DGKH: variants seen among roughly 807,000 people sequenced by gnomAD.
The protein encoded by DGKH is diacylglycerol kinase eta, also known as DAG kinase eta.
DGKH carries 90 observed loss-of-function variants against 159.3 expected under a neutral mutation model. That is an observed-to-expected ratio of 0.57 (90% CI 0.48 to 0.67). The LOEUF is 0.67. Among genes scored for constraint, DGKH ranks in the 30% least tolerant of loss-of-function variants. DGKH has a pLI of 0.00. For missense variants in DGKH, 1,181 were observed against 1,506.1 expected, an observed-to-expected ratio of 0.78 and a Z score of 3.57; for synonymous variants, 536 against 553.8, an observed-to-expected ratio of 0.97 and a Z score of 0.45.
Position 42,177,247 on chromosome 13 carries a change from G to T in DGKH, c.1453-888G>T, listed in dbSNP as rs560242604. Among the ~76,000 whole-genome samples, 21 of 140,890 alleles carry T rather than the reference G, an allele frequency of 1.5e-4. 1 individual carries two copies. The highest frequency in any genetic ancestry group is 7.2e-3 in the Middle Eastern group (2 of 276). 92.4% of individuals were successfully genotyped at this position (140,890 alleles called of 152,430 possible). A position where few individuals can be genotyped will look rare whatever the true frequency, so the allele number is the denominator to read the frequency against. On this transcript the variant is annotated intron_variant, in intron 12 of 29. Coordinates refer to ENST00000337343, the MANE Select transcript of DGKH (RefSeq NM_178009.5). ...GTGCTGACTTCTAATAGCATAGATT[G>T]GTATCTGTTTTGTACTTATAAAATA...
At chr13:42,083,081 G>T (rs1195787283) in intron 1 of DGKH, among the ~76,000 whole-genome samples, 1 of 152,174 alleles carries the variant, frequency 6.6e-6, no homozygotes, top group African/African-American at 2.4e-5. Context: ...TAACTGACTT[G>T]AAAGTATGTC....
intron 29 of DGKH, among the ~76,000 whole-genome samples, chr13:42,223,229 T>A (rs986418227): frequency 6.6e-6 from 1 of 152,154 alleles, no homozygotes; most frequent in Non-Finnish European, 1.5e-5. Flanking sequence ...CGGCAAGTCC[T>A]TCAGACCGAT....
At chr13:42,090,560 G>T (rs916564238) in intron 1 of DGKH, among the ~76,000 whole-genome samples, 9 of 152,280 alleles carry the variant, frequency 5.9e-5, no homozygotes, top group African/African-American at 2.2e-4. Context: ...TAGACGAGTG[G>T]AATAGAATAG....
intron 3 of DGKH, among the ~76,000 whole-genome samples, chr13:42,133,064 G>A (rs1348842092): frequency 6.6e-6 from 1 of 151,738 alleles, no homozygotes; most frequent in Non-Finnish European, 1.5e-5. Flanking sequence ...CCAGCTACTT[G>A]GGTGGCTGAG....
chr13:42,248,639 A>G (rs979241540), intron 29 of DGKH, among the ~76,000 whole-genome samples: 1 of 147,902 alleles, frequency 6.8e-6, no homozygotes, highest in African/African-American at 2.5e-5. Flanking sequence ...TTTGTAATAT[A>G]TAATTATGAT....
chr13:42,064,783 G>A (rs1882440870), intron 1 of DGKH, among the ~76,000 whole-genome samples: 1 of 152,146 alleles, frequency 6.6e-6, no homozygotes, highest in Non-Finnish European at 1.5e-5. Context: ...GCTCATGTAT[G>A]CACAGCTGGG....
At chr13:42,093,198 C>A (rs1489366536) in intron 1 of DGKH, among the ~76,000 whole-genome samples, 1 of 150,072 alleles carries the variant, frequency 6.7e-6, no homozygotes, top group African/African-American at 2.5e-5. Context: ...GAACTGAGAT[C>A]ATGCTACTGC....
Position 42,238,568 on chromosome 13 carries a change from A to G in DGKH, c.*9380A>G. On this transcript the variant is annotated 3_prime_UTR_variant, in exon 30 of 30. Coordinates refer to ENST00000337343, the MANE Select transcript of DGKH (RefSeq NM_178009.5). ...TCTCTTTAAACCAGTAGTTAAAAAGATGGAGTATGTGATGTTCCTTTCTCT... is the reference window on the plus strand; with the variant it reads ...TCTCTTTAAACCAGTAGTTAAAAAGGTGGAGTATGTGATGTTCCTTTCTCT... 6.6e-6 allele frequency: 1 copy of G among 152,180 alleles called. No homozygotes were observed. The allele number at this position is 152,180 out of a possible 1,614,324, so 9.4% of individuals were successfully genotyped here. A position where few individuals can be genotyped will look rare whatever the true frequency, so the allele number is the denominator to read the frequency against.
At chr13:42,131,530 G>A (rs1414973482) in intron 3 of DGKH, among the ~76,000 whole-genome samples, 7 of 152,156 alleles carry the variant, frequency 4.6e-5, no homozygotes, top group Admixed American at 3.3e-4. Context: ...GAAGGATAAG[G>A]TTATTTGCTG....
At chr13:42,087,083 A>ACACACC (rs1301819914) in intron 1 of DGKH, among the ~76,000 whole-genome samples, 1 of 143,914 alleles carries the variant, frequency 6.9e-6, no homozygotes, top group Non-Finnish European at 1.5e-5. Context: ...ACACACACAC[A>ACACACC]CCTCAGAACA....
At position 42,069,275 on chromosome 13, in the gene DGKH, G is replaced by A. The variant is rs1882798316; in HGVS notation, c.192+20310G>A. 11 of 1,069,920 alleles carry A rather than the reference G, an allele frequency of 1.0e-5. No individual in the cohort carries two copies. In the South Asian group the frequency reaches 1.7e-4, roughly 17 times the overall value. The allele number at this position is 1,069,920 out of a possible 1,614,324, so 66.3% of individuals were successfully genotyped here. A position where few individuals can be genotyped will look rare whatever the true frequency, so the allele number is the denominator to read the frequency against. ...TTCTTACTTCACAAAACTGATTTAT[G>A]AGAAAACAGTTCTCCCCATCACTCA... On this transcript the variant is annotated intron_variant, in intron 1 of 29. Transcript: ENST00000337343.
intron 1 of DGKH, among the ~76,000 whole-genome samples, chr13:42,068,513 G>A (rs1215333595): frequency 1.3e-5 from 2 of 152,138 alleles, no homozygotes; most frequent in South Asian, 2.1e-4. Flanking sequence ...TGTGTTTTAC[G>A]AAATGTGTAC....
At chr13:42,129,019 G>A (rs1267355190) in intron 2 of DGKH, among the ~76,000 whole-genome samples, 1 of 152,208 alleles carries the variant, frequency 6.6e-6, no homozygotes, top group Non-Finnish European at 1.5e-5. Context: ...TACCTTGGAT[G>A]TTAAGAGTAT....
intron 1 of DGKH, among the ~76,000 whole-genome samples, chr13:42,081,105 A>T (rs1293140142): frequency 6.6e-6 from 1 of 152,142 alleles, no homozygotes; most frequent in South Asian, 2.1e-4. Context: ...AATATTAGAG[A>T]TACATTTTAT....
At chr13:42,216,070 A>C (rs1434232782) in intron 26 of DGKH, among the ~76,000 whole-genome samples, 2 of 152,248 alleles carry the variant, frequency 1.3e-5, no homozygotes, top group Non-Finnish European at 2.9e-5. Context: ...GTTTGCTTAA[A>C]AGAGGACATT....
In DGKH at chr13:42,209,625, G is replaced by A. The variant is rs78820566; in HGVS notation, c.2850+160G>A. ...GAACAAATATTTATTTATTTCAGTA[G>A]GAGTTTATTTTTTAGAGCCATTTTA... On this transcript the variant is annotated intron_variant, in intron 23 of 29. Coordinates refer to ENST00000337343, the MANE Select transcript of DGKH (RefSeq NM_178009.5). 0.11 allele frequency among the ~76,000 whole-genome samples: 17,239 copies of A among 152,176 alleles called. 1,230 individuals are homozygous for A. The highest frequency in any genetic ancestry group is 0.16 in the Non-Finnish European group (10,938 of 67,994).
At chr13:42,159,952 T>C (rs1956138466) in intron 6 of DGKH, 59 bp from the exon 7 acceptor site, 3 of 1,612,722 alleles carry the variant, frequency 1.9e-6, no homozygotes, top group Middle Eastern at 1.7e-4. Flanking sequence ...AAATCTCCCC[T>C]GGGGTAAGGT....
chr13:42,086,934 C>T (rs1954314553), intron 1 of DGKH, among the ~76,000 whole-genome samples: 1 of 152,100 alleles, frequency 6.6e-6, no homozygotes, highest in Non-Finnish European at 1.5e-5. Flanking sequence ...TTGGGAACCA[C>T]ACAGAAAGAA....
At chr13:42,110,657 T>C (rs531972303) in intron 1 of DGKH, among the ~76,000 whole-genome samples, 1 of 151,084 alleles carries the variant, frequency 6.6e-6, no homozygotes, top group African/African-American at 2.4e-5. Context: ...CATTCAGGCA[T>C]TTACCAGTTA....
Sources: gnomAD v4.1 joint callset for allele counts (sites outside exome capture counted in the v4.1 genomes callset) on GRCh38, gnomAD v4.1.1 for gene constraint, MANE v1.5 for transcripts, NCBI Gene and HGNC (gene_info 2026-07-23, HGNC 2026-07-21) for gene names.